ITGBL1: variants seen among roughly 807,000 people sequenced by gnomAD.
ITGBL1 encodes the protein integrin subunit beta like 1, also known as integrin beta-like protein 1.
Under a neutral mutation model 68.5 loss-of-function variants are expected in ITGBL1, and 51 were observed. The ratio of observed to expected loss-of-function variants is 0.74; its 90% confidence interval spans 0.59 to 0.94. The LOEUF (loss-of-function observed/expected upper bound fraction) is 0.94. Ranked by LOEUF, ITGBL1 falls within the 40% of genes least tolerant of loss-of-function variation. The pLI is 0.00. For missense variants in ITGBL1, 649 were observed against 647.4 expected (o/e 1.00, Z -0.03); for synonymous variants, 209 against 227.3 (o/e 0.92, Z 0.72).
intron 2 of ITGBL1, among the ~76,000 whole-genome samples, chr13:101,455,337 T>G (rs1056074667): frequency 3.3e-5 from 5 of 152,158 alleles, no homozygotes; most frequent in African/African-American, 1.2e-4. Context: ...ATCTACTTGA[T>G]TTGTTTTCCC....
chr13:101,671,588 G>T (rs1036506596), intron 7 of ITGBL1, among the ~76,000 whole-genome samples: 1 of 150,004 alleles, frequency 6.7e-6, no homozygotes, highest in Non-Finnish European at 1.5e-5. Flanking sequence ...ACAGGCGCCC[G>T]CCACCACGCC....
chr13:101,690,613 T>C (rs1180840698), intron 7 of ITGBL1, among the ~76,000 whole-genome samples: 2 of 152,088 alleles, frequency 1.3e-5, no homozygotes, highest in African/African-American at 2.4e-5. Context: ...CATTTGCACA[T>C]CCACCCATGA....
intron 2 of ITGBL1, among the ~76,000 whole-genome samples, chr13:101,462,593 T>A (rs537300401): frequency 1.3e-5 from 2 of 152,166 alleles, no homozygotes; most frequent in African/African-American, 2.4e-5. Flanking sequence ...CATATCATTA[T>A]TTTTTTTGAG....
chr13:101,541,547 A>G (rs1287788644), intron 2 of ITGBL1, among the ~76,000 whole-genome samples: 3 of 152,180 alleles, frequency 2.0e-5, no homozygotes, highest in South Asian at 4.1e-4. Flanking sequence ...AGGCTTTGGT[A>G]TCAGGATGAT....
intron 2 of ITGBL1, among the ~76,000 whole-genome samples, chr13:101,502,800 C>A (rs1328820019): frequency 1.3e-5 from 2 of 152,146 alleles, no homozygotes; most frequent in Non-Finnish European, 2.9e-5. Flanking sequence ...CCCCTAAATT[C>A]TCATGTGCCT....
intron 7 of ITGBL1, among the ~76,000 whole-genome samples, chr13:101,690,650 G>T (rs2033863501): frequency 6.6e-6 from 1 of 152,038 alleles, no homozygotes; most frequent in African/African-American, 2.4e-5. Flanking sequence ...TATGCACATT[G>T]AAAGGTGACT....
At chr13:101,698,842 C>G (rs1217194609) in intron 8 of ITGBL1, among the ~76,000 whole-genome samples, 2 of 152,060 alleles carry the variant, frequency 1.3e-5, no homozygotes, top group Non-Finnish European at 2.9e-5. Flanking sequence ...TGCCATATAC[C>G]TAGGGTGAGA....
At chr13:101,609,775 GT>G (rs2031037673) in intron 7 of ITGBL1, among the ~76,000 whole-genome samples, 1 of 151,962 alleles carries the variant, frequency 6.6e-6, no homozygotes, top group Admixed American at 6.6e-5. Context: ...ATTAACTGAG[GT>G]TTTTCTAACT....
intron 8 of ITGBL1, among the ~76,000 whole-genome samples, chr13:101,705,997 G>A (rs1286270166): frequency 1.3e-5 from 2 of 152,210 alleles, no homozygotes; most frequent in African/African-American, 4.8e-5. Flanking sequence ...GGGTCGAGCG[G>A]AAACTGAAAT....
intron 7 of ITGBL1, among the ~76,000 whole-genome samples, chr13:101,656,317 C>G (rs1566778315): frequency 1.3e-5 from 2 of 152,134 alleles, no homozygotes; most frequent in Non-Finnish European, 2.9e-5. Context: ...AGAAAAAGAT[C>G]TAGCTGTTAG....
At chr13:101,509,208 G>C (rs981070855) in intron 2 of ITGBL1, among the ~76,000 whole-genome samples, 4 of 152,052 alleles carry the variant, frequency 2.6e-5, no homozygotes, top group Non-Finnish European at 5.9e-5. Flanking sequence ...GTTGTTCATG[G>C]AAACTCCCAT....
At chr13:101,531,074 G>A (rs912492936) in intron 2 of ITGBL1, among the ~76,000 whole-genome samples, 1 of 151,976 alleles carries the variant, frequency 6.6e-6, no homozygotes, top group Admixed American at 6.6e-5. Flanking sequence ...AACTTTGGAG[G>A]CATACAGGAT....
intron 2 of ITGBL1, among the ~76,000 whole-genome samples, chr13:101,460,981 C>T (rs1250047973): frequency 2.6e-5 from 4 of 152,200 alleles, no homozygotes; most frequent in Non-Finnish European, 4.4e-5. Flanking sequence ...AGGGGACACA[C>T]ATCCAAACTA....
chr13:101,581,692 T>A (rs1466868266), intron 5 of ITGBL1, among the ~76,000 whole-genome samples: 1 of 152,220 alleles, frequency 6.6e-6, no homozygotes. Flanking sequence ...GAACAATATT[T>A]CGGTCACTAG....
chr13:101,589,160 CTG>C (rs1278859708), intron 6 of ITGBL1, among the ~76,000 whole-genome samples: 1 of 152,172 alleles, frequency 6.6e-6, no homozygotes, highest in Non-Finnish European at 1.5e-5. Flanking sequence ...TGTTTCAACT[CTG>C]TCAATTAATC....
At chr13:101,467,130 A>G (rs1178695512) in intron 2 of ITGBL1, among the ~76,000 whole-genome samples, 1 of 152,122 alleles carries the variant, frequency 6.6e-6, no homozygotes, top group Non-Finnish European at 1.5e-5. Flanking sequence ...AGTGCTCATG[A>G]CCTAATCACC....
At chr13:101,454,137 G>A (rs2048206400) in intron 2 of ITGBL1, 37 bp downstream of exon 2, 2 of 1,446,974 alleles carry the variant, frequency 1.4e-6, no homozygotes, top group Non-Finnish European at 1.9e-6. Flanking sequence ...TCGGGAGGTC[G>A]AAACTCCTCT....
At chr13:101,491,200 A>C (rs187281449) in intron 2 of ITGBL1, among the ~76,000 whole-genome samples, 11 of 152,206 alleles carry the variant, frequency 7.2e-5, no homozygotes, top group Non-Finnish European at 1.6e-4. Context: ...AATAAAATGC[A>C]TCGGTCTTTT....
chr13:101,531,208 T>G (rs1175820000), intron 2 of ITGBL1, among the ~76,000 whole-genome samples: 1 of 152,190 alleles, frequency 6.6e-6, no homozygotes, highest in Non-Finnish European at 1.5e-5. Context: ...TGTCAATATT[T>G]ATGTAATGTA....
Sources: gnomAD v4.1 joint callset for allele counts (sites outside exome capture counted in the v4.1 genomes callset) on GRCh38, gnomAD v4.1.1 for gene constraint, MANE v1.5 for transcripts, NCBI Gene and HGNC (gene_info 2026-07-23, HGNC 2026-07-21) for gene names.